ERGIC1: variants seen among roughly 807,000 people sequenced by gnomAD.
The protein encoded by ERGIC1 is endoplasmic reticulum-golgi intermediate compartment 1, also known as endoplasmic reticulum-Golgi intermediate compartment protein 1.
ERGIC1 carries 19 observed loss-of-function variants against 38.3 expected under a neutral mutation model. That is an observed-to-expected ratio of 0.50 (90% CI 0.35 to 0.73). The LOEUF (loss-of-function observed/expected upper bound fraction) is 0.73, where lower values mean the gene tolerates loss of function less well. Among genes scored for constraint, ERGIC1 ranks in the 30% least tolerant of loss-of-function variants. The probability of loss-of-function intolerance (pLI) is 0.01; values close to 1 mark genes in which losing one functional copy is unlikely to be tolerated. For missense variants in ERGIC1, 294 were observed against 389.2 expected, an observed-to-expected ratio of 0.76 and a Z score of 2.06; for synonymous variants, 124 against 157.6, an observed-to-expected ratio of 0.79 and a Z score of 1.60.
intron 3 of ERGIC1, chr5:172,898,686 A>G (rs1762792217): frequency 6.6e-6 from 1 of 152,214 alleles, no homozygotes; most frequent in South Asian, 2.1e-4. Flanking sequence ...TCTGGGTCTC[A>G]GTATTGGTAG....
At chr5:172,881,993 G>A (rs1169880998) in intron 1 of ERGIC1, among the ~76,000 whole-genome samples, 2 of 151,834 alleles carry the variant, frequency 1.3e-5, no homozygotes, top group Admixed American at 6.5e-5. Flanking sequence ...CAGGGAGGAC[G>A]GCTCACTTCC....
At chr5:172,927,836 C>T (rs1020298555) in intron 7 of ERGIC1, among the ~76,000 whole-genome samples, 1 of 152,172 alleles carries the variant, frequency 6.6e-6, no homozygotes, top group African/African-American at 2.4e-5. Flanking sequence ...CCCCACTCTG[C>T]TCTGCTTTTC....
intron 1 of ERGIC1, among the ~76,000 whole-genome samples, chr5:172,859,551 T>C (rs1302283865): frequency 2.0e-5 from 3 of 152,220 alleles, no homozygotes; most frequent in African/African-American, 7.2e-5. Context: ...GCTGCTCTCA[T>C]TGGCTCCACT....
chr5:172,867,249 C>T (rs1761889760), intron 1 of ERGIC1: 2 of 450,756 alleles, frequency 4.4e-6, no homozygotes, highest in South Asian at 1.6e-5. Flanking sequence ...ACTGACACTG[C>T]ATGGTCAGGG....
At chr5:172,923,146 G>GGTTCC (rs1459608569) in intron 5 of ERGIC1, among the ~76,000 whole-genome samples, 3 of 111,820 alleles carry the variant, frequency 2.7e-5, no homozygotes, top group African/African-American at 3.4e-5. Context: ...GGAGGAGGAG[G>GGTTCC]AGGAGGGTTC....
At chr5:172,854,295 T>A (rs998828279) in intron 1 of ERGIC1, among the ~76,000 whole-genome samples, 5 of 151,828 alleles carry the variant, frequency 3.3e-5, no homozygotes, top group Admixed American at 3.3e-4. Context: ...GGCGGGAGGA[T>A]CACTTGAGCC....
intron 4 of ERGIC1, chr5:172,914,452 G>T: frequency 1.8e-6 from 1 of 567,494 alleles, no homozygotes; most frequent in South Asian, 2.0e-5. Context: ...ACCTGAGGCA[G>T]GACCCAGATT....
chr5:172,897,605 C>T, intron 3 of ERGIC1, among the ~76,000 whole-genome samples: 1 of 152,170 alleles, frequency 6.6e-6, no homozygotes, highest in Non-Finnish European at 1.5e-5. Flanking sequence ...ATTTTGGTTC[C>T]ATTCCGTGGG....
At chr5:172,845,523 C>T (rs534291488) in intron 1 of ERGIC1, among the ~76,000 whole-genome samples, 1 of 152,280 alleles carries the variant, frequency 6.6e-6, no homozygotes, top group East Asian at 1.9e-4. Flanking sequence ...TGATTGAGGG[C>T]CTGTGTGCCA....
chr5:172,844,927 G>A (rs1761248096), intron 1 of ERGIC1, among the ~76,000 whole-genome samples: 1 of 152,150 alleles, frequency 6.6e-6, no homozygotes, highest in Non-Finnish European at 1.5e-5. Flanking sequence ...GCCCACAATA[G>A]TCACTGCTTA....
intron 1 of ERGIC1, among the ~76,000 whole-genome samples, chr5:172,859,193 T>C (rs1054950351): frequency 1.3e-5 from 2 of 152,144 alleles, no homozygotes; most frequent in Non-Finnish European, 2.9e-5. Context: ...TTTTCCTCTA[T>C]GATTTTTCCT....
chr5:172,896,138 T>A (rs1762715927), intron 2 of ERGIC1, among the ~76,000 whole-genome samples: 1 of 148,894 alleles, frequency 6.7e-6, no homozygotes, highest in African/African-American at 2.5e-5. Flanking sequence ...AGATCAGGAG[T>A]TCAAGACCAG....
intron 1 of ERGIC1, among the ~76,000 whole-genome samples, chr5:172,872,399 T>C (rs1762038086): frequency 6.6e-6 from 1 of 152,080 alleles, no homozygotes; most frequent in Admixed American, 6.6e-5. Context: ...TCATGGGAGG[T>C]GCTCAGTAAA....
In ERGIC1 at chr5:172,900,741, A is replaced by G. The variant is rs1334177189; in HGVS notation, c.155+3667A>G. 3.3e-5 allele frequency among the ~76,000 whole-genome samples: 5 copies of G among 151,334 alleles called. No individual in the cohort carries two copies. The East Asian group carries it at 5.8e-4, about 18-fold the overall frequency. ...AAAAAACAAAAAAAAACATGAGGAC[A>G]TTTTTTGAGCATTTGCCTTGAGTCC... On this transcript the variant is annotated intron_variant, in intron 3 of 9. Coordinates refer to ENST00000393784, the MANE Select transcript of ERGIC1 (RefSeq NM_001031711.3).
At chr5:172,862,562 C>G (rs1561706641) in intron 1 of ERGIC1, among the ~76,000 whole-genome samples, 1 of 152,180 alleles carries the variant, frequency 6.6e-6, no homozygotes, top group Non-Finnish European at 1.5e-5. Context: ...CCAGCCTTGA[C>G]TTTTCTCTTC....
intron 1 of ERGIC1, among the ~76,000 whole-genome samples, chr5:172,847,703 C>T (rs1761312893): frequency 6.6e-6 from 1 of 152,096 alleles, no homozygotes; most frequent in Non-Finnish European, 1.5e-5. Context: ...TTAGTAGAGA[C>T]GGGGTTTCGC....
chr5:172,860,488 GC>G (rs1693254770), intron 1 of ERGIC1, among the ~76,000 whole-genome samples: 1 of 152,238 alleles, frequency 6.6e-6, no homozygotes, highest in South Asian at 2.1e-4. Flanking sequence ...TTGAACCCAG[GC>G]CTCCTGGCTC....
At chr5:172,849,849 A>G (rs1761361229) in intron 1 of ERGIC1, among the ~76,000 whole-genome samples, 1 of 152,200 alleles carries the variant, frequency 6.6e-6, no homozygotes, top group Admixed American at 6.5e-5. Context: ...TTTGCAGGGG[A>G]ACAGGGGTGG....
intron 1 of ERGIC1, among the ~76,000 whole-genome samples, chr5:172,870,063 C>T (rs1761962477): frequency 6.6e-6 from 1 of 152,192 alleles, no homozygotes; most frequent in African/African-American, 2.4e-5. Context: ...ATGTCTCTCT[C>T]TCTCTTCTTG....
Sources: gnomAD v4.1 joint callset for allele counts (sites outside exome capture counted in the v4.1 genomes callset) on GRCh38, gnomAD v4.1.1 for gene constraint, MANE v1.5 for transcripts, NCBI Gene and HGNC (gene_info 2026-07-23, HGNC 2026-07-21) for gene names.